FAM216A: variants seen among roughly 807,000 people sequenced by gnomAD.
The protein encoded by FAM216A is family with sequence similarity 216 member A.
Under a neutral mutation model 37.6 loss-of-function variants are expected in FAM216A, and 26 were observed. That is an observed-to-expected ratio of 0.69 (90% confidence interval 0.51 to 0.96). The LOEUF (loss-of-function observed/expected upper bound fraction) is 0.96, where lower values mean the gene tolerates loss of function less well. Ranked by LOEUF, FAM216A falls within the 40% of genes least tolerant of loss-of-function variation. FAM216A has a pLI of 0.00. For missense variants in FAM216A, 326 were observed against 339.3 expected (o/e 0.96, Z 0.31); for synonymous variants, 110 against 121.7 (o/e 0.90, Z 0.64).
chr12:110,484,518 G>A (rs938284678), intron 2 of FAM216A, among the ~76,000 whole-genome samples: 3 of 149,976 alleles, frequency 2.0e-5, no homozygotes, highest in Non-Finnish European at 3.0e-5. Flanking sequence ...CAAATCCTGC[G>A]TGTATATTTT....
intron 2 of FAM216A, among the ~76,000 whole-genome samples, chr12:110,483,649 C>A (rs1333506820): frequency 6.6e-6 from 1 of 152,082 alleles, no homozygotes. Flanking sequence ...CATGGTAAAA[C>A]CCCATCTCTA....
rs183895341 is a variant in FAM216A at position 110,484,994 on chromosome 12, C to A, written c.185-84C>A. The A allele has an allele frequency of 9.0e-3, 12,829 of 1,429,064 alleles. 69 individuals are homozygous for A. The highest frequency in any genetic ancestry group is 0.01 in the Non-Finnish European group (10,610 of 1,057,244). 88.5% of individuals were successfully genotyped at this position (1,429,064 alleles called of 1,614,324 possible). ...GGATTACAGGCGTGAGCCACCACAC[C>A]CGGCCTAAATATCTAGATCTTAATA... is the stretch of plus-strand genomic sequence containing the variant. On this transcript the variant is annotated intron_variant, in intron 2 of 6. Transcript: ENST00000377673.
intron 2 of FAM216A, among the ~76,000 whole-genome samples, chr12:110,481,551 A>G (rs2062747144): frequency 6.7e-6 from 1 of 148,450 alleles, no homozygotes; most frequent in Admixed American, 6.7e-5. Flanking sequence ...TTTAGTAGAG[A>G]CGGGTTTCAC....
chr12:110,485,893 A>T (rs1055499700), intron 3 of FAM216A, among the ~76,000 whole-genome samples: 8 of 152,188 alleles, frequency 5.3e-5, no homozygotes, highest in Non-Finnish European at 1.2e-4. Context: ...AGAATGTCCA[A>T]CACAGTCAGT....
chr12:110,470,065 C>T (rs768086119), intron 1 of FAM216A, among the ~76,000 whole-genome samples: 2 of 151,830 alleles, frequency 1.3e-5, no homozygotes, highest in Non-Finnish European at 2.9e-5. Flanking sequence ...GTACAACCCG[C>T]AGTCAGGGCC....
intron 2 of FAM216A, among the ~76,000 whole-genome samples, chr12:110,483,279 C>T (rs188893736): frequency 1.2e-3 from 171 of 148,298 alleles, no homozygotes; most frequent in Middle Eastern, 3.8e-3. Flanking sequence ...TGCAATGAGC[C>T]GAGATGGTGC....
At chr12:110,486,163 A>C in intron 3 of FAM216A, 162 bp from the exon 4 acceptor site, 1 of 686,072 alleles carries the variant, frequency 1.5e-6, no homozygotes, top group African/African-American at 1.8e-5. Flanking sequence ...TGCACTGTTT[A>C]ATTGGCCATT....
chr12:110,481,740 T>C (rs2062747986), intron 2 of FAM216A, among the ~76,000 whole-genome samples: 1 of 152,160 alleles, frequency 6.6e-6, no homozygotes, highest in African/African-American at 2.4e-5. Context: ...TGGTCCAAAA[T>C]ATAATATGCA....
Position 110,486,382 on chromosome 12 carries a change from A to G in FAM216A, c.364A>G (p.Asn122Asp), listed in dbSNP as rs769641250. The G allele has an allele frequency of 6.2e-7, 1 of 1,614,064 alleles. No individual in the cohort carries two copies. The highest frequency in any genetic ancestry group is 1.1e-5 in the South Asian group (1 of 91,078). Residue 122 changes from asparagine (N) to aspartate (D), a missense_variant, in exon 4 of 7, where the codon AAT becomes GAT. Asn to Asp is a conservative substitution (Grantham distance 23). Coordinates refer to ENST00000377673, the MANE Select transcript of FAM216A (RefSeq NM_013300.3). ...RYLCSIAKIYNANYLKMLMKR... is the reference protein window; with the variant it reads ...RYLCSIAKIYDANYLKMLMKR... ...CCTGTGCAGCATTGCTAAAATCTAT[A>G]ATGCAAACTATCTGAAGATGTTAAT...
At chr12:110,480,397 G>A (rs990539173) in intron 2 of FAM216A, among the ~76,000 whole-genome samples, 6 of 151,776 alleles carry the variant, frequency 4.0e-5, no homozygotes, top group Non-Finnish European at 1.5e-5. Context: ...TAGAGACGGG[G>A]TTTCACCATG....
chr12:110,487,739 G>T, intron 5 of FAM216A, 122 bp from the exon 6 acceptor site: 1 of 688,810 alleles, frequency 1.5e-6, no homozygotes, highest in Non-Finnish European at 2.6e-6. Context: ...GAGAATCTGG[G>T]TGCTGAAAGG....
chr12:110,480,375 TTTA>T (rs2062740412), intron 2 of FAM216A, among the ~76,000 whole-genome samples: 1 of 151,902 alleles, frequency 6.6e-6, no homozygotes, highest in African/African-American at 2.4e-5. Flanking sequence ...GGCTAATTTT[TTTA>T]TATTTTTCTA....
intron 5 of FAM216A, chr12:110,487,116 G>C (rs1304880150): frequency 6.3e-6 from 1 of 157,482 alleles, no homozygotes; most frequent in Non-Finnish European, 1.4e-5. Flanking sequence ...AGAATAGGCT[G>C]GACTTTTAAA....
At chr12:110,471,649 G>A (rs763460704) in intron 1 of FAM216A, among the ~76,000 whole-genome samples, 1 of 152,190 alleles carries the variant, frequency 6.6e-6, no homozygotes, top group Non-Finnish European at 1.5e-5. Flanking sequence ...CACGCTGGTT[G>A]CTAGTTGGAG....
intron 6 of FAM216A, among the ~76,000 whole-genome samples, chr12:110,489,193 G>A (rs1178207826): frequency 2.6e-5 from 4 of 152,140 alleles, no homozygotes; most frequent in Admixed American, 6.6e-5. Context: ...GCATAGTGAA[G>A]TAGGGAGGTG....
chr12:110,484,113 A>T (rs2062762790), intron 2 of FAM216A, among the ~76,000 whole-genome samples: 2 of 150,444 alleles, frequency 1.3e-5, no homozygotes, highest in Admixed American at 6.6e-5. Context: ...CCCATCTCTT[A>T]AAAAAAGATT....
At chr12:110,470,990 G>T (rs1338306152) in intron 1 of FAM216A, among the ~76,000 whole-genome samples, 1 of 152,028 alleles carries the variant, frequency 6.6e-6, no homozygotes, top group African/African-American at 2.4e-5. Context: ...CACTGGCAGG[G>T]GTCTTAAAAA....
intron 1 of FAM216A, chr12:110,469,353 C>A: frequency 3.7e-6 from 1 of 273,568 alleles, no homozygotes; most frequent in Non-Finnish European, 6.8e-6. Flanking sequence ...TGGCACAGGA[C>A]TGTGTGTCCA....
In FAM216A at chr12:110,486,611, C is replaced by T. The variant is rs1474329880; in HGVS notation, c.514C>T (p.His172Tyr). Reference protein sequence around the residue: ...KQHYPCTTWRHQLEREDSGSS... With the variant: ...KQHYPCTTWRYQLEREDSGSS... Reference sequence around the variant, plus strand: ...GCATTACCCTTGCACTACATGGCGACATCAACTGGAGAGAGAGGACTCGGG... The same window carrying T: ...GCATTACCCTTGCACTACATGGCGATATCAACTGGAGAGAGAGGACTCGGG... Residue 172 changes from histidine (H) to tyrosine (Y), a missense_variant, in exon 5 of 7, where the codon CAT becomes TAT. Coordinates refer to ENST00000377673, the MANE Select transcript of FAM216A (RefSeq NM_013300.3). The T allele has an allele frequency of 7.4e-6, 12 of 1,614,066 alleles. No individual in the cohort carries two copies. The highest frequency in any genetic ancestry group is 1.0e-5 in the Non-Finnish European group (12 of 1,180,038).
Sources: gnomAD v4.1 joint callset for allele counts (sites outside exome capture counted in the v4.1 genomes callset) on GRCh38, gnomAD v4.1.1 for gene constraint, MANE v1.5 for transcripts, NCBI Gene and HGNC (gene_info 2026-07-23, HGNC 2026-07-21) for gene names.